The following APOBEC3C variants were observed in gnomAD, a reference collection of about 807,000 sequenced individuals.
The protein encoded by APOBEC3C is DNA dC->dU-editing enzyme APOBEC-3C.
A neutral mutation model predicts 20.6 loss-of-function variants in APOBEC3C; 14 were observed. The observed-to-expected ratio is 0.68, with a 90% CI of 0.45 to 1.06. The LOEUF is 1.06. Ranked by LOEUF, APOBEC3C falls within the 50% of genes least tolerant of loss-of-function variation. APOBEC3C has a pLI of 0.00. For synonymous variants in APOBEC3C, 98 were observed against 88.8 expected (o/e 1.10, Z -0.58); for missense variants, 244 against 241.9 (o/e 1.01, Z -0.06).
chr22:39,015,450 A>G (rs1025956153), intron 1 of APOBEC3C, 145 bp from the exon 2 acceptor site: 1 of 956,860 alleles, frequency 1.0e-6, no homozygotes, highest in Non-Finnish European at 1.5e-6. Flanking sequence ...CCTGCCTGGG[A>G]AAGCAGCAGA....
rs183239304 is a variant in APOBEC3C at position 39,014,615 on chromosome 22, A to T, written c.17+236A>T. 1.5e-4 allele frequency among the ~76,000 whole-genome samples: 22 copies of T among 149,412 alleles called. 1 individual carries two copies. The highest frequency in any genetic ancestry group is 1.1e-3 in the Admixed American group (17 of 14,994). On this transcript the variant is annotated intron_variant, in intron 1 of 3. Transcript: ENST00000361441. ...GCCCCAGCCCAGTCCGCCTGCTGAGACTCTCCCCCGAAAATCATGCCCGGG... is the reference window on the plus strand; with the variant it reads ...GCCCCAGCCCAGTCCGCCTGCTGAGTCTCTCCCCCGAAAATCATGCCCGGG...
chr22:39,017,511 T>C (rs562028303), intron 2 of APOBEC3C, among the ~76,000 whole-genome samples: 2 of 151,848 alleles, frequency 1.3e-5, no homozygotes, highest in East Asian at 2.0e-4. Context: ...TGTGGCGGCA[T>C]GCACCTGCAT....
chr22:39,014,860 C>T (rs1331992801), intron 1 of APOBEC3C, among the ~76,000 whole-genome samples: 2 of 152,160 alleles, frequency 1.3e-5, no homozygotes, highest in South Asian at 2.1e-4. Flanking sequence ...AAATAAGTCA[C>T]TTCTTCCAAA....
intron 1 of APOBEC3C, among the ~76,000 whole-genome samples, chr22:39,015,060 G>A (rs1030382337): frequency 1.3e-5 from 2 of 152,184 alleles, no homozygotes; most frequent in Non-Finnish European, 2.9e-5. Flanking sequence ...CACTTTGGGA[G>A]GCTGAGGCGG....
intron 2 of APOBEC3C, among the ~76,000 whole-genome samples, chr22:39,017,467 G>A (rs546476595): frequency 3.3e-5 from 5 of 151,976 alleles, no homozygotes; most frequent in South Asian, 2.1e-4. Context: ...GTGAAACCCC[G>A]TCTCTAAAAA....
intron 2 of APOBEC3C, among the ~76,000 whole-genome samples, chr22:39,016,591 G>C (rs557338503): frequency 1.6e-4 from 24 of 152,070 alleles, no homozygotes; most frequent in South Asian, 1.0e-3. Flanking sequence ...GAGGGGGTTT[G>C]CTTCCTCCCA....
Position 39,017,941 on chromosome 22 carries a change from C to T in APOBEC3C, c.350C>T (p.Thr117Ile). The change falls in exon 3 of 4, where the codon ACC becomes ATC. Residue 117 changes from threonine (T) to isoleucine (I), a missense_variant. Physicochemically the swap from Thr to Ile is moderately conservative, Grantham distance 89. Coordinates refer to ENST00000361441, the MANE Select transcript of APOBEC3C (RefSeq NM_014508.3). ...FLARHSNVNL[T>I]IFTARLYYFQ... ...GCCAGGCACAGCAACGTGAATCTCACCATCTTCACCGCCCGCCTCTACTAC... is the reference window on the plus strand; with the variant it reads ...GCCAGGCACAGCAACGTGAATCTCATCATCTTCACCGCCCGCCTCTACTAC... The T allele has an allele frequency of 1.2e-6, 2 of 1,614,202 alleles. No homozygotes were observed. The highest frequency in any genetic ancestry group is 1.1e-5 in the South Asian group (1 of 91,086).
In APOBEC3C at chr22:39,017,668, C is replaced by T. The variant is rs1033566584; in HGVS notation, c.175-98C>T. 55 of 1,447,334 alleles carry T rather than the reference C, an allele frequency of 3.8e-5. 1 individual carries two copies. The South Asian group carries it at 6.4e-4, about 17-fold the overall frequency. 89.7% of individuals were successfully genotyped at this position (1,447,334 alleles called of 1,614,324 possible). On this transcript the variant is annotated intron_variant, in intron 2 of 3. Coordinates refer to ENST00000361441, the MANE Select transcript of APOBEC3C (RefSeq NM_014508.3). ...AAAATGAGTAAATAAGGAAACGGCC[C>T]GGGGCTCCAGGCCCGCCCTCTGCTC...
In APOBEC3C at chr22:39,014,287, C is replaced by T. The variant is rs947693713; in HGVS notation, c.-76C>T. ...AAAGAGGGCTGCTCAACTGCAAGGACGCTGTAAGCAGGAAGAGAAGCCACA... is the reference window on the plus strand; with the variant it reads ...AAAGAGGGCTGCTCAACTGCAAGGATGCTGTAAGCAGGAAGAGAAGCCACA... On this transcript the variant is annotated 5_prime_UTR_variant, in exon 1 of 4. In the 5' UTR this introduces an upstream ATG that the reference lacks. Transcript: ENST00000361441. 49 of 1,588,140 alleles carry T rather than the reference C, an allele frequency of 3.1e-5. No individual in the cohort carries two copies. The Admixed American group carries it at 3.8e-4, about 12-fold the overall frequency.
At position 39,019,217 on chromosome 22, in the gene APOBEC3C, A is replaced by G. The variant is rs555423357; in HGVS notation, c.*830A>G. The G allele has an allele frequency of 2.0e-5, 3 of 152,308 alleles. No individual in the cohort carries two copies. Among genetic ancestry groups the G allele is most frequent in the South Asian group, 2.1e-4 (1 of 4,828 alleles). The allele number at this position is 152,308 out of a possible 1,614,324, so 9.4% of individuals were successfully genotyped here. A position where few individuals can be genotyped will look rare whatever the true frequency, so the allele number is the denominator to read the frequency against. On this transcript the variant is annotated 3_prime_UTR_variant, in exon 4 of 4. Transcript: ENST00000361441. ...GCAAGCCTGACTCCTGAGACTGTGC[A>G]TTGTACCCTGAAACCAGCTTTATCC...
intron 1 of APOBEC3C, 98 bp from the exon 2 acceptor site, chr22:39,015,497 A>T: frequency 7.1e-7 from 1 of 1,404,934 alleles, no homozygotes; most frequent in Non-Finnish European, 9.7e-7. Context: ...GGAGGCCCAG[A>T]GCCCAGGGAC....
rs368445473 is a variant in APOBEC3C at position 39,018,527 on chromosome 22, C to T, written c.*140C>T. 12 of 986,052 alleles carry T rather than the reference C, an allele frequency of 1.2e-5. No homozygotes were observed. In the African/African-American group the frequency reaches 1.6e-4, roughly 13 times the overall value. 61.1% of individuals were successfully genotyped at this position (986,052 alleles called of 1,614,324 possible). A position where few individuals can be genotyped will look rare whatever the true frequency, so the allele number is the denominator to read the frequency against. On this transcript the variant is annotated 3_prime_UTR_variant, in exon 4 of 4. Coordinates refer to ENST00000361441, the MANE Select transcript of APOBEC3C (RefSeq NM_014508.3). Reference sequence around the variant, plus strand: ...GGCCTCAGGGCCATTCCACAGTGCTCCCCTGCCTCACCGCTTCCTCCTCGC... The same window carrying T: ...GGCCTCAGGGCCATTCCACAGTGCTTCCCTGCCTCACCGCTTCCTCCTCGC...
At position 39,014,289 on chromosome 22, in the gene APOBEC3C, C is replaced by T; in HGVS notation, c.-74C>T. On this transcript the variant is annotated 5_prime_UTR_variant, in exon 1 of 4. Transcript: ENST00000361441. ...AGAGGGCTGCTCAACTGCAAGGACG[C>T]TGTAAGCAGGAAGAGAAGCCACAGC... 6.3e-7 allele frequency: 1 copy of T among 1,596,162 alleles called. No individual in the cohort carries two copies. Among genetic ancestry groups the T allele is most frequent in the Non-Finnish European group, 8.6e-7 (1 of 1,163,898 alleles).
Position 39,018,584 on chromosome 22 carries a change from C to T in APOBEC3C, c.*197C>T. On this transcript the variant is annotated 3_prime_UTR_variant, in exon 4 of 4. Transcript: ENST00000361441. Reference sequence around the variant, plus strand: ...AGACTCTTCCTGCAGAGGCTCCTTTCTGCCTCCATGGCTATCCATCCACCC... The same window carrying T: ...AGACTCTTCCTGCAGAGGCTCCTTTTTGCCTCCATGGCTATCCATCCACCC... The T allele has an allele frequency of 1.7e-6, 1 of 586,432 alleles. No individual in the cohort carries two copies. Among genetic ancestry groups the T allele is most frequent in the African/African-American group, 1.9e-5 (1 of 53,348 alleles). 36.3% of individuals were successfully genotyped at this position (586,432 alleles called of 1,614,324 possible).
At chr22:39,017,365 A>G (rs555951441) in intron 2 of APOBEC3C, among the ~76,000 whole-genome samples, 11 of 152,274 alleles carry the variant, frequency 7.2e-5, no homozygotes, top group African/African-American at 2.6e-4. Context: ...AAGGCTGTGC[A>G]TGTGGTTTAT....
At position 39,014,483 on chromosome 22, in the gene APOBEC3C, G is replaced by A. The variant is rs972750391; in HGVS notation, c.17+104G>A. ...TCCCCCTGCCCCAGCCCCACCTCTG[G>A]GCTCCCTCCCCCCTGGTTCCCCCGC... On this transcript the variant is annotated intron_variant, in intron 1 of 3. Coordinates refer to ENST00000361441, the MANE Select transcript of APOBEC3C (RefSeq NM_014508.3). The A allele has an allele frequency of 1.1e-5, 16 of 1,455,492 alleles. No individual in the cohort carries two copies. The African/African-American group carries it at 1.7e-4, about 15-fold the overall frequency. The allele number at this position is 1,455,492 out of a possible 1,614,324, so 90.2% of individuals were successfully genotyped here. A position where few individuals can be genotyped will look rare whatever the true frequency, so the allele number is the denominator to read the frequency against.
chr22:39,016,711 G>A (rs1205605106), intron 2 of APOBEC3C, among the ~76,000 whole-genome samples: 3 of 152,204 alleles, frequency 2.0e-5, no homozygotes, highest in African/African-American at 7.2e-5. Context: ...GTGGGAAGCG[G>A]GGGGTGTTGT....
intron 2 of APOBEC3C, among the ~76,000 whole-genome samples, chr22:39,017,336 A>G (rs930611854): frequency 4.6e-5 from 7 of 152,154 alleles, no homozygotes; most frequent in Non-Finnish European, 7.4e-5. Context: ...CAGAAAAATG[A>G]AAAGTAAAGA....
In APOBEC3C at chr22:39,018,645, A is replaced by C; in HGVS notation, c.*258A>C. ...CGTTCCTCCAGCCTGCGTGCCCCTA[A>C]CCTGGCTTTTCCCATCTCCCCAGCA... On this transcript the variant is annotated 3_prime_UTR_variant, in exon 4 of 4. Transcript: ENST00000361441. 3.0e-6 allele frequency: 1 copy of C among 335,996 alleles called. No individual in the cohort carries two copies. Among genetic ancestry groups the C allele is most frequent in the Non-Finnish European group, 5.5e-6 (1 of 181,996 alleles). 20.8% of individuals were successfully genotyped at this position (335,996 alleles called of 1,614,324 possible).
Sources: gnomAD v4.1 joint callset for allele counts (sites outside exome capture counted in the v4.1 genomes callset) on GRCh38, gnomAD v4.1.1 for gene constraint, MANE v1.5 for transcripts, NCBI Gene and HGNC (gene_info 2026-07-23, HGNC 2026-07-21) for gene names.